Variants in MND1 observed in about 807,000 individuals in gnomAD.
MND1 encodes meiotic nuclear division protein 1 homolog.
MND1 carries 28 observed loss-of-function variants against 35.1 expected under a neutral mutation model. That is an observed-to-expected ratio of 0.80 (90% confidence interval 0.59 to 1.09). The LOEUF is 1.09. Ranked by LOEUF, MND1 falls within the 50% of genes least tolerant of loss-of-function variation. The pLI, the probability that MND1 is intolerant of heterozygous loss-of-function variation, is 0.00. For synonymous variants in MND1, 69 were observed against 70.5 expected (o/e 0.98, Z 0.11); for missense variants, 213 against 239.6 (o/e 0.89, Z 0.73).
At chr4:153,379,659 G>A (rs1015572559) in intron 4 of MND1, among the ~76,000 whole-genome samples, 2 of 151,912 alleles carry the variant, frequency 1.3e-5, no homozygotes, top group Non-Finnish European at 2.9e-5. Context: ...AAACCAGCCT[G>A]ACCAGCATGG....
At chr4:153,414,165 G>T (rs1166566082) in intron 7 of MND1, among the ~76,000 whole-genome samples, 3 of 152,174 alleles carry the variant, frequency 2.0e-5, no homozygotes, top group Non-Finnish European at 4.4e-5. Flanking sequence ...AAATGTAGAA[G>T]AGACACCATT....
chr4:153,358,362 C>T, intron 3 of MND1, 112 bp from the exon 4 acceptor site: 1 of 895,726 alleles, frequency 1.1e-6, no homozygotes, highest in South Asian at 2.5e-5. Flanking sequence ...AGCTTATTAA[C>T]TTTTTAACTC....
At position 153,400,888 on chromosome 4, in the gene MND1, A is replaced by C. The variant is rs553859629; in HGVS notation, c.466+3555A>C. On this transcript the variant is annotated intron_variant, in intron 6 of 7. Coordinates refer to ENST00000240488, the MANE Select transcript of MND1 (RefSeq NM_032117.4). ...ACCAGAACATTTAAAAAGTTATTAT[A>C]ACTGTATTCCATATGTTCAAAAAGT... Among the ~76,000 whole-genome samples, 18 of 152,342 alleles carry C rather than the reference A, an allele frequency of 1.2e-4. No homozygotes were observed. In the South Asian group the frequency reaches 3.5e-3, roughly 30 times the overall value.
intron 4 of MND1, among the ~76,000 whole-genome samples, chr4:153,370,614 G>C (rs150662902): frequency 6.6e-6 from 1 of 152,008 alleles, no homozygotes; most frequent in African/African-American, 2.4e-5. Context: ...CCGCCTCCCG[G>C]GTTCAGGTGA....
chr4:153,400,405 T>C (rs117451291), intron 6 of MND1, among the ~76,000 whole-genome samples: 2,599 of 152,238 alleles, frequency 0.017, 52 homozygotes, highest in East Asian at 0.076. Flanking sequence ...TATCATCTTT[T>C]TTGCAGGCAC....
intron 6 of MND1, among the ~76,000 whole-genome samples, chr4:153,408,214 G>A (rs551894735): frequency 2.6e-4 from 40 of 152,298 alleles, no homozygotes; most frequent in African/African-American, 9.1e-4. Flanking sequence ...AGGCTGCAGT[G>A]AGCTATGATC....
Position 153,377,286 on chromosome 4 carries a change from ATTTGT to A in MND1, c.277-16964_277-16960del, listed in dbSNP as rs904573739. Among the ~76,000 whole-genome samples, 24 of 152,188 alleles carry A rather than the reference ATTTGT, an allele frequency of 1.6e-4. 1 individual carries two copies. Among genetic ancestry groups the A allele is most frequent in the Non-Finnish European group, 2.4e-4 (16 of 68,024 alleles). On this transcript the variant is annotated intron_variant, in intron 4 of 7. Coordinates refer to ENST00000240488, the MANE Select transcript of MND1 (RefSeq NM_032117.4). Reference sequence around the variant, plus strand: ...CAGATATTCTTAGGACAACTTAAGTATTTGTTTTGTTTTGTTACCAATTTTTAGAA... The same window carrying A: ...CAGATATTCTTAGGACAACTTAAGTATTTGTTTTGTTACCAATTTTTAGAA...
At chr4:153,377,873 C>T (rs1253045605) in intron 4 of MND1, among the ~76,000 whole-genome samples, 1 of 152,042 alleles carries the variant, frequency 6.6e-6, no homozygotes, top group Non-Finnish European at 1.5e-5. Context: ...TTGTATGTGC[C>T]TTGTTCTTTT....
At chr4:153,387,955 C>T (rs141605713) in intron 4 of MND1, among the ~76,000 whole-genome samples, 81 of 151,894 alleles carry the variant, frequency 5.3e-4, no homozygotes, top group Non-Finnish European at 1.1e-3. Context: ...CATCTGTGAC[C>T]GTCTCTATAT....
chr4:153,347,011 T>A (rs1468363471), intron 1 of MND1, among the ~76,000 whole-genome samples: 2 of 152,130 alleles, frequency 1.3e-5, no homozygotes, highest in Non-Finnish European at 2.9e-5. Flanking sequence ...AGAGGATTTT[T>A]AAAATAAGTT....
chr4:153,346,782 TG>T (rs1193271012), intron 1 of MND1, among the ~76,000 whole-genome samples: 1 of 152,174 alleles, frequency 6.6e-6, no homozygotes, highest in African/African-American at 2.4e-5. Flanking sequence ...TGCCTGCCTC[TG>T]GGGGGCAGAT....
chr4:153,391,749 C>CACACACACACACACACACACAT (rs1169686789), intron 4 of MND1, among the ~76,000 whole-genome samples: 474 of 151,626 alleles, frequency 3.1e-3, no homozygotes, highest in African/African-American at 0.011. Context: ...CACACACACA[C>CACACACACACACACACACACAT]ATACATACAT....
At chr4:153,351,807 A>G (rs1389590188) in intron 2 of MND1, among the ~76,000 whole-genome samples, 6 of 152,232 alleles carry the variant, frequency 3.9e-5, no homozygotes, top group Non-Finnish European at 8.8e-5. Context: ...GACAAATGTC[A>G]TGGGAAAATG....
chr4:153,400,916 A>G (rs1228932579), intron 6 of MND1, among the ~76,000 whole-genome samples: 2 of 152,236 alleles, frequency 1.3e-5, no homozygotes, highest in Non-Finnish European at 2.9e-5. Context: ...CAAAAAGTTA[A>G]GTGGAAATAG....
intron 7 of MND1, among the ~76,000 whole-genome samples, chr4:153,412,044 T>G (rs1729697842): frequency 6.6e-6 from 1 of 152,228 alleles, no homozygotes; most frequent in Non-Finnish European, 1.5e-5. Flanking sequence ...GGTGTTATTT[T>G]AACATTCTCT....
In MND1 at chr4:153,394,238, TTTTA is replaced by T. The variant is rs1729136878; in HGVS notation, c.277-20_277-17del. 2 of 1,605,908 alleles carry T rather than the reference TTTTA, an allele frequency of 1.2e-6. No individual in the cohort carries two copies. The highest frequency in any genetic ancestry group is 1.1e-5 in the South Asian group (1 of 90,604). On this transcript the variant is annotated intron_variant, in intron 4 of 7. Transcript: ENST00000240488. ...CATGTCAGTTTATCTTAGCAAGCTGTTTTATTTGTTTTTGATTCTCTAGTTGTCT... is the reference window on the plus strand; with the variant it reads ...CATGTCAGTTTATCTTAGCAAGCTGTTTTGTTTTTGATTCTCTAGTTGTCT...
At chr4:153,373,315 CCAGA>C (rs1240427784) in intron 4 of MND1, among the ~76,000 whole-genome samples, 1 of 152,090 alleles carries the variant, frequency 6.6e-6, no homozygotes. Context: ...TACCTTCTTA[CCAGA>C]CAATCATTTC....
chr4:153,397,688 C>T (rs1729237248), intron 6 of MND1, among the ~76,000 whole-genome samples: 1 of 151,708 alleles, frequency 6.6e-6, no homozygotes, highest in Non-Finnish European at 1.5e-5. Flanking sequence ...AGCATGGTGA[C>T]AGATGCCAGT....
At chr4:153,356,213 TA>T (rs1773334725) in intron 3 of MND1, among the ~76,000 whole-genome samples, 1 of 152,042 alleles carries the variant, frequency 6.6e-6, no homozygotes, top group South Asian at 2.1e-4. Context: ...ACATATCTAT[TA>T]TTTTTTGTTT....
Sources: allele counts gnomAD v4.1 joint callset (sites outside exome capture counted in the v4.1 genomes callset), GRCh38; gene constraint gnomAD v4.1.1; transcripts MANE v1.5; gene names NCBI Gene and HGNC (gene_info 2026-07-23, HGNC 2026-07-21).